DPYSL2: variants seen among roughly 807,000 people sequenced by gnomAD.
The protein encoded by DPYSL2 is dihydropyrimidinase-related protein 2.
A neutral mutation model predicts 69.9 loss-of-function variants in DPYSL2; 13 were observed. The ratio of observed to expected loss-of-function variants is 0.19; its 90% confidence interval spans 0.12 to 0.30. The LOEUF (loss-of-function observed/expected upper bound fraction) is 0.30. Among genes scored for constraint, DPYSL2 ranks in the 10% least tolerant of loss-of-function variants. The pLI is 1.00. For synonymous variants in DPYSL2, 326 were observed against 359.1 expected (o/e 0.91, Z 1.04); for missense variants, 587 against 918.9 (o/e 0.64, Z 4.67).
At position 26,521,498 on chromosome 8, in the gene DPYSL2, G is replaced by A. The variant is rs986674277; in HGVS notation, c.354+6819G>A. ...TTCTTTTTTTTTTTTTCTTATAATC[G>A]AGGCAAAATTGACTTAACATAAAAT... On this transcript the variant is annotated intron_variant, in intron 1 of 13. Coordinates refer to ENST00000521913, the MANE Select transcript of DPYSL2 (RefSeq NM_001197293.3). Among the ~76,000 whole-genome samples, 11 of 150,094 alleles carry A rather than the reference G, an allele frequency of 7.3e-5. No homozygotes were observed. In the South Asian group the frequency reaches 1.7e-3, roughly 23 times the overall value.
Position 26,610,653 on chromosome 8 carries a change from T to TC in DPYSL2, c.629-13484dup, listed in dbSNP as rs1197146728. ...CATTGGAATCCTCTGTCCTAGCCTA[T>TC]CCCCCCTGCTCTCCCCTGGCATAGA... On this transcript the variant is annotated intron_variant, in intron 3 of 13. Coordinates refer to ENST00000521913, the MANE Select transcript of DPYSL2 (RefSeq NM_001197293.3). The surrounding 1 kb of genome is among the most constrained non-coding windows in gnomAD (Gnocchi z 4.5). Among the ~76,000 whole-genome samples, 17 of 151,850 alleles carry TC rather than the reference T, an allele frequency of 1.1e-4. No individual in the cohort carries two copies. The highest frequency in any genetic ancestry group is 2.1e-4 in the Non-Finnish European group (14 of 67,982).
At chr8:26,575,055 T>A (rs796177197) in intron 1 of DPYSL2, among the ~76,000 whole-genome samples, 15 of 152,374 alleles carry the variant, frequency 9.8e-5, no homozygotes, top group African/African-American at 3.4e-4. Context: ...TGCCTCAGCC[T>A]CCCGAATGGC....
intron 1 of DPYSL2, among the ~76,000 whole-genome samples, chr8:26,553,696 T>C (rs111378355): frequency 0.071 from 10,864 of 152,238 alleles, 464 homozygotes; most frequent in South Asian, 0.22. Flanking sequence ...CACATGCATG[T>C]GTCTTTATGG....
At chr8:26,578,160 AAAAAC>A in intron 1 of DPYSL2, 1 of 1,601,458 alleles carries the variant, frequency 6.2e-7, no homozygotes, top group South Asian at 1.1e-5. Context: ...TGCAAAGGAA[AAAAAC>A]AAAACAAAAC....
At position 26,517,248 on chromosome 8, in the gene DPYSL2, C is replaced by T. The variant is rs1310435928; in HGVS notation, c.354+2569C>T. 6.6e-6 allele frequency among the ~76,000 whole-genome samples: 1 copy of T among 152,180 alleles called. No individual in the cohort carries two copies. The highest frequency in any genetic ancestry group is 1.5e-5 in the Non-Finnish European group (1 of 68,040). On this transcript the variant is annotated intron_variant, in intron 1 of 13. Transcript: ENST00000521913. This position sits in a 1 kb window ranked among gnomAD's most constrained non-coding sequence, Gnocchi z 4.2. The stretch of plus-strand genomic sequence containing the variant: ...GAAGGGAGAGAATAGGCTTCCTTGA[C>T]CCACATGCCACATGGCTCATGGAAG...
At chr8:26,581,549 T>A (rs911679815) in intron 1 of DPYSL2, among the ~76,000 whole-genome samples, 1 of 152,030 alleles carries the variant, frequency 6.6e-6, no homozygotes, top group Admixed American at 6.6e-5. Context: ...ATTTTTTGTA[T>A]TTTTTATAGA....
chr8:26,562,500 G>T lies in DPYSL2; in HGVS notation c.355-19469G>T, dbSNP rs1401325221. ...TTGACCCTTGCACCACCACACTACAGCTGGAATAATATATAAAAAGTATTG... is the reference window on the plus strand; with the variant it reads ...TTGACCCTTGCACCACCACACTACATCTGGAATAATATATAAAAAGTATTG... On this transcript the variant is annotated intron_variant, in intron 1 of 13. Coordinates refer to ENST00000521913, the MANE Select transcript of DPYSL2 (RefSeq NM_001197293.3). The surrounding 1 kb of genome is among the most constrained non-coding windows in gnomAD (Gnocchi z 4.9). Among the ~76,000 whole-genome samples the T allele has an allele frequency of 6.6e-6, 1 of 152,078 alleles. No individual in the cohort carries two copies. Among genetic ancestry groups the T allele is most frequent in the Admixed American group, 6.5e-5 (1 of 15,276 alleles).
chr8:26,550,724 T>C (rs1800861009), intron 1 of DPYSL2, among the ~76,000 whole-genome samples: 2 of 152,208 alleles, frequency 1.3e-5, no homozygotes. Context: ...ATTCCCATGA[T>C]AGACTGTCTG....
rs1802078696 is a variant in DPYSL2, at chr8:26,605,010, G to A, written c.629-19133G>A. Among the ~76,000 whole-genome samples, 1 of 152,124 alleles carries A rather than the reference G, an allele frequency of 6.6e-6. No homozygotes were observed. Among genetic ancestry groups the A allele is most frequent in the Non-Finnish European group, 1.5e-5 (1 of 68,022 alleles). On this transcript the variant is annotated intron_variant, in intron 3 of 13. Transcript: ENST00000521913. The surrounding 1 kb of genome is among the most constrained non-coding windows in gnomAD (Gnocchi z 4.1). ...TGTTAGCGTGGTCATCATTTGGTCT[G>A]CTTTAGTAGAGAGTATCTTTTATGT...
At chr8:26,603,303 G>A (rs911458647) in intron 3 of DPYSL2, among the ~76,000 whole-genome samples, 2 of 152,054 alleles carry the variant, frequency 1.3e-5, no homozygotes, top group Admixed American at 6.5e-5. Flanking sequence ...CTTCTGAGTA[G>A]CTGAGACTAC....
At position 26,571,911 on chromosome 8, in the gene DPYSL2, A is replaced by G. The variant is rs1453544410; in HGVS notation, c.355-10058A>G. Among the ~76,000 whole-genome samples, 3 of 152,180 alleles carry G rather than the reference A, an allele frequency of 2.0e-5. No homozygotes were observed. The highest frequency in any genetic ancestry group is 4.4e-5 in the Non-Finnish European group (3 of 68,014). On this transcript the variant is annotated intron_variant, in intron 1 of 13. Coordinates refer to ENST00000521913, the MANE Select transcript of DPYSL2 (RefSeq NM_001197293.3). The surrounding 1 kb of genome is among the most constrained non-coding windows in gnomAD (Gnocchi z 6.1). ...CAAAGAAAACGATCGTCATTGCCTG[A>G]TTCCATCTGCAGTGAAGAAGGCATC...
intron 7 of DPYSL2, among the ~76,000 whole-genome samples, chr8:26,631,410 A>G (rs968107546): frequency 1.3e-5 from 2 of 152,170 alleles, no homozygotes; most frequent in African/African-American, 4.8e-5. Flanking sequence ...GAACTCACTC[A>G]TTATCACAAG....
At chr8:26,579,047 C>T (rs1156525727) in intron 1 of DPYSL2, among the ~76,000 whole-genome samples, 1 of 152,224 alleles carries the variant, frequency 6.6e-6, no homozygotes, top group African/African-American at 2.4e-5. Context: ...GCCCCTTCTG[C>T]CGCTCAGGAG....
chr8:26,602,787 A>G (rs1432815133), intron 3 of DPYSL2, among the ~76,000 whole-genome samples: 1 of 152,256 alleles, frequency 6.6e-6, no homozygotes, highest in African/African-American at 2.4e-5. Flanking sequence ...TATTGGGAAG[A>G]CCTACAAAGA....
At chr8:26,537,912 C>T (rs764965089) in intron 1 of DPYSL2, among the ~76,000 whole-genome samples, 2 of 152,164 alleles carry the variant, frequency 1.3e-5, no homozygotes, top group African/African-American at 2.4e-5. Context: ...TATCTGGAAG[C>T]GTTCATCTTT....
rs890954192 is a variant in DPYSL2 at position 26,514,985 on chromosome 8, C to T, written c.354+306C>T. 2.0e-4 allele frequency among the ~76,000 whole-genome samples: 31 copies of T among 152,208 alleles called. No individual in the cohort carries two copies. Among genetic ancestry groups the T allele is most frequent in the Non-Finnish European group, 2.9e-4 (20 of 68,030 alleles). The stretch of plus-strand genomic sequence containing the variant: ...CGGTGGTCGTCTGGGAGGGGGTTGG[C>T]CGCGGTTCCATTCTTCTGAAACCCT... On this transcript the variant is annotated intron_variant, in intron 1 of 13. Coordinates refer to ENST00000521913, the MANE Select transcript of DPYSL2 (RefSeq NM_001197293.3). This position sits in a 1 kb window ranked among gnomAD's most constrained non-coding sequence, Gnocchi z 8.4.
chr8:26,591,962 C>T lies in DPYSL2; in HGVS notation c.628+7979C>T, dbSNP rs900585494. Among the ~76,000 whole-genome samples, 1 of 152,202 alleles carries T rather than the reference C, an allele frequency of 6.6e-6. No individual in the cohort carries two copies. The highest frequency in any genetic ancestry group is 2.4e-5 in the African/African-American group (1 of 41,450). The stretch of plus-strand genomic sequence containing the variant: ...AAGCAGGCATATACCCACGGAGTCG[C>T]TTAAGAAAACACCTAACCACACTGT... On this transcript the variant is annotated intron_variant, in intron 3 of 13. Coordinates refer to ENST00000521913, the MANE Select transcript of DPYSL2 (RefSeq NM_001197293.3). The surrounding 1 kb of genome is among the most constrained non-coding windows in gnomAD (Gnocchi z 5.8).
At chr8:26,540,478 G>T (rs1324773230) in intron 1 of DPYSL2, among the ~76,000 whole-genome samples, 1 of 152,226 alleles carries the variant, frequency 6.6e-6, no homozygotes, top group East Asian at 1.9e-4. Flanking sequence ...TCCACAGATT[G>T]TTGGAGGGAA....
Position 26,514,249 on chromosome 8 carries a change from G to A in DPYSL2, c.-77G>A. On this transcript the variant is annotated 5_prime_UTR_variant, in exon 1 of 14. In the 5' UTR this introduces an upstream ATG that the reference lacks. Coordinates refer to ENST00000521913, the MANE Select transcript of DPYSL2 (RefSeq NM_001197293.3). This position sits in a 1 kb window ranked among gnomAD's most constrained non-coding sequence, Gnocchi z 8.4. The stretch of plus-strand genomic sequence containing the variant: ...AGCCGCGGCAGCAGCTAGGGGGCTT[G>A]TGCACACAGCGAGGGAGACTTAGGG... 2 of 1,285,070 alleles carry A rather than the reference G, an allele frequency of 1.6e-6. No homozygotes were observed. Among genetic ancestry groups the A allele is most frequent in the Admixed American group, 6.7e-5 (2 of 29,676 alleles). The allele number at this position is 1,285,070 out of a possible 1,614,324, so 79.6% of individuals were successfully genotyped here. A position where few individuals can be genotyped will look rare whatever the true frequency, so the allele number is the denominator to read the frequency against.
Sources: allele counts gnomAD v4.1 joint callset (sites outside exome capture counted in the v4.1 genomes callset), GRCh38; gene constraint gnomAD v4.1.1; non-coding constraint Gnocchi (gnomAD v3.1); transcripts MANE v1.5; gene names NCBI Gene and HGNC (gene_info 2026-07-23, HGNC 2026-07-21).